NRG1: variants seen among roughly 807,000 people sequenced by gnomAD.
The protein encoded by NRG1 is pro-neuregulin-1, membrane-bound isoform.
A neutral mutation model predicts 63.8 loss-of-function variants in NRG1; 18 were observed. The observed-to-expected ratio is 0.28, with a 90% confidence interval of 0.19 to 0.42. The LOEUF (loss-of-function observed/expected upper bound fraction) is 0.42. Among genes scored for constraint, NRG1 ranks in the 10% least tolerant of loss-of-function variants. The pLI is 1.00. For missense variants in NRG1, 762 were observed against 814.7 expected, an observed-to-expected ratio of 0.94 and a Z score of 0.79; for synonymous variants, 302 against 301.3, an observed-to-expected ratio of 1.00 and a Z score of -0.02.
chr8:32,692,479 G>A (rs1370471152), intron 5 of NRG1, among the ~76,000 whole-genome samples: 2 of 152,154 alleles, frequency 1.3e-5, no homozygotes, highest in Admixed American at 1.3e-4. Context: ...GATAATCAAA[G>A]TCCCCTCTAA....
rs545993861 is a variant in NRG1, at chr8:32,278,870, G to A, written c.38-316958G>A. On this transcript the variant is annotated intron_variant, in intron 1 of 10. Coordinates refer to the NRG1 transcript ENST00000519301. ...CACCACTGTGCAGGTGGCAGCTGAC[G>A]TCTATTGTCCTGCAACTCACATATC... Among the ~76,000 whole-genome samples, 21 of 152,306 alleles carry A rather than the reference G, an allele frequency of 1.4e-4. No homozygotes were observed. In the East Asian group the frequency reaches 2.9e-3, roughly 21 times the overall value.
At chr8:32,366,011 TA>T (rs1181083692) in intron 1 of NRG1, among the ~76,000 whole-genome samples, 1 of 152,198 alleles carries the variant, frequency 6.6e-6, no homozygotes, top group Non-Finnish European at 1.5e-5. Context: ...GCTTTATGTA[TA>T]TTTTTAACAT....
intron 5 of NRG1, among the ~76,000 whole-genome samples, chr8:32,714,014 G>A (rs1351245851): frequency 1.3e-5 from 2 of 151,718 alleles, no homozygotes; most frequent in African/African-American, 2.4e-5. Context: ...TGGTAGAGAC[G>A]GGGTTTCACC....
At chr8:32,657,803 C>A (rs1312707351) in intron 5 of NRG1, among the ~76,000 whole-genome samples, 5 of 152,104 alleles carry the variant, frequency 3.3e-5, no homozygotes, top group Non-Finnish European at 7.4e-5. Flanking sequence ...GCCTACAAAG[C>A]AAATCTTAAG....
At chr8:32,364,575 A>G (rs1807691288) in intron 1 of NRG1, among the ~76,000 whole-genome samples, 4 of 152,136 alleles carry the variant, frequency 2.6e-5, no homozygotes, top group Admixed American at 2.6e-4. Flanking sequence ...TATTGTATTG[A>G]CAACCACCCG....
intron 1 of NRG1, among the ~76,000 whole-genome samples, chr8:32,308,171 A>G (rs6468096): frequency 0.32 from 48,038 of 152,058 alleles, 8,174 homozygotes; most frequent in South Asian, 0.44. Context: ...GATGGTTTCC[A>G]CTTAGATTCC....
chr8:32,033,302 T>G (rs1429720953), intron 1 of NRG1, among the ~76,000 whole-genome samples: 1 of 152,068 alleles, frequency 6.6e-6, no homozygotes, highest in Non-Finnish European at 1.5e-5. Context: ...GTTCCATTGG[T>G]CTATGTGTCT....
chr8:31,914,114 C>T lies in NRG1; in HGVS notation c.37+274683C>T, dbSNP rs117355538. 7.2e-4 allele frequency among the ~76,000 whole-genome samples: 110 copies of T among 152,284 alleles called. 2 individuals carry two copies. The East Asian group carries it at 0.019, about 26-fold the overall frequency. ...GGAGCTCTATTCCCCAAAGAGAAGA[C>T]TTCTTTAAAGAGATCGTCCTTCTTA... is the stretch of plus-strand genomic sequence containing the variant. On this transcript the variant is annotated intron_variant, in intron 1 of 10. Coordinates refer to the NRG1 transcript ENST00000519301.
chr8:32,276,425 A>G (rs913742126), intron 1 of NRG1, among the ~76,000 whole-genome samples: 1 of 152,100 alleles, frequency 6.6e-6, no homozygotes, highest in Admixed American at 6.6e-5. Flanking sequence ...TATGTACCAC[A>G]TTTTCTTCAT....
intron 1 of NRG1, among the ~76,000 whole-genome samples, chr8:31,719,866 G>GT (rs1440360521): frequency 6.6e-6 from 1 of 151,800 alleles, no homozygotes; most frequent in Non-Finnish European, 1.5e-5. Flanking sequence ...GAAGACAAAT[G>GT]TTTTTTGTTA....
intron 1 of NRG1, among the ~76,000 whole-genome samples, chr8:32,522,164 C>T (rs1830404250): frequency 6.6e-6 from 1 of 152,184 alleles, no homozygotes; most frequent in South Asian, 2.1e-4. Context: ...CTGTGCCAGG[C>T]CTCAGCCACT....
At chr8:32,016,369 A>G (rs1815542536) in intron 1 of NRG1, among the ~76,000 whole-genome samples, 1 of 151,884 alleles carries the variant, frequency 6.6e-6, no homozygotes, top group Admixed American at 6.6e-5. Flanking sequence ...GGCCTCTGTA[A>G]CTTCTTAATT....
intron 1 of NRG1, among the ~76,000 whole-genome samples, chr8:32,028,467 A>G (rs1172729990): frequency 1.3e-5 from 2 of 152,208 alleles, no homozygotes; most frequent in African/African-American, 2.4e-5. Flanking sequence ...TTAGTATTTG[A>G]TTTTGGACTT....
At chr8:31,750,270 G>C (rs1462089396) in intron 1 of NRG1, among the ~76,000 whole-genome samples, 1 of 151,890 alleles carries the variant, frequency 6.6e-6, no homozygotes, top group Non-Finnish European at 1.5e-5. Flanking sequence ...TTCCACAGGG[G>C]ACTGTGCTAG....
exon 12 of NRG1, chr8:32,764,148 G>A (rs1831202658): frequency 1.2e-6 from 2 of 1,613,982 alleles, no homozygotes; most frequent in African/African-American, 2.7e-5. Flanking sequence ...TGGCCACATT[G>A]CTAACAGATT....
intron 1 of NRG1, among the ~76,000 whole-genome samples, chr8:31,822,513 T>C (rs916684019): frequency 6.6e-6 from 1 of 152,164 alleles, no homozygotes; most frequent in Admixed American, 6.5e-5. Context: ...GAGGAAATTG[T>C]GTATTTGTGA....
At chr8:32,666,673 T>C (rs1804240930) in intron 5 of NRG1, among the ~76,000 whole-genome samples, 1 of 152,194 alleles carries the variant, frequency 6.6e-6, no homozygotes, top group South Asian at 2.1e-4. Context: ...TAGCCATTGT[T>C]AGGCGTACAG....
intron 1 of NRG1, among the ~76,000 whole-genome samples, chr8:31,850,389 C>T (rs1827097116): frequency 6.6e-6 from 1 of 152,126 alleles, no homozygotes; most frequent in South Asian, 2.1e-4. Context: ...CTTAGGTTCC[C>T]CCTGTGGTTG....
intron 1 of NRG1, among the ~76,000 whole-genome samples, chr8:32,487,072 T>A (rs1361426303): frequency 3.3e-5 from 5 of 151,600 alleles, no homozygotes; most frequent in Non-Finnish European, 5.9e-5. Context: ...TAAAAACATA[T>A]AAAGTACATT....
Sources: allele counts gnomAD v4.1 joint callset (sites outside exome capture counted in the v4.1 genomes callset), GRCh38; gene constraint gnomAD v4.1.1; transcripts MANE v1.5; gene names NCBI Gene and HGNC (gene_info 2026-07-23, HGNC 2026-07-21).